Variants in CERS6 observed in about 807,000 individuals in gnomAD.
The protein encoded by CERS6 is LAG1 homolog, ceramide synthase 6.
A neutral mutation model predicts 56.8 loss-of-function variants in CERS6; 26 were observed. The ratio of observed to expected loss-of-function variants is 0.46; its 90% CI spans 0.34 to 0.63. CERS6 has a LOEUF of 0.63. Ranked by LOEUF, CERS6 falls within the 30% of genes least tolerant of loss-of-function variation. The probability of loss-of-function intolerance (pLI) is 0.01; values close to 1 mark genes in which losing one functional copy is unlikely to be tolerated. For missense variants in CERS6, 415 were observed against 467.5 expected (o/e 0.89, Z 1.04); for synonymous variants, 164 against 173.3 (o/e 0.95, Z 0.42).
intron 2 of CERS6, among the ~76,000 whole-genome samples, chr2:168,557,703 T>G (rs926610117): frequency 2.6e-5 from 4 of 152,158 alleles, no homozygotes; most frequent in Non-Finnish European, 5.9e-5. Context: ...TGGGAGAATC[T>G]TTTGAACATT....
chr2:168,620,541 A>G (rs1684444938), intron 3 of CERS6, among the ~76,000 whole-genome samples: 1 of 152,136 alleles, frequency 6.6e-6, no homozygotes, highest in Non-Finnish European at 1.5e-5. Flanking sequence ...TCCCCTAACA[A>G]CCTTAAGAAT....
Position 168,456,638 on chromosome 2 carries a change from C to T in CERS6, c.170+20C>T. ...CGAGAGGTAAGAAGGGCTGAAGCCC[C>T]TCCTCCCCTCCCCCTGCGCACACAC... On this transcript the variant is annotated intron_variant, in intron 1 of 9. Coordinates refer to ENST00000305747, the MANE Select transcript of CERS6 (RefSeq NM_203463.3). This position sits in a 1 kb window ranked among gnomAD's most constrained non-coding sequence, Gnocchi z 4.1. 1 of 1,610,214 alleles carries T rather than the reference C, an allele frequency of 6.2e-7. No homozygotes were observed. Among genetic ancestry groups the T allele is most frequent in the East Asian group, 2.2e-5 (1 of 44,614 alleles).
intron 4 of CERS6, among the ~76,000 whole-genome samples, chr2:168,676,976 C>T (rs184338515): frequency 9.4e-5 from 14 of 149,198 alleles, no homozygotes; most frequent in Admixed American, 2.0e-4. Context: ...CAGTTTTACG[C>T]ACCATTGCTT....
At chr2:168,732,741 T>G (rs537494611) in intron 8 of CERS6, among the ~76,000 whole-genome samples, 1 of 152,238 alleles carries the variant, frequency 6.6e-6, no homozygotes, top group Non-Finnish European at 1.5e-5. Flanking sequence ...TCTCTCTCCC[T>G]TTTTTTAAAA....
intron 1 of CERS6, among the ~76,000 whole-genome samples, chr2:168,466,545 A>G (rs955591325): frequency 2.6e-5 from 4 of 152,252 alleles, no homozygotes; most frequent in African/African-American, 7.2e-5. Flanking sequence ...TATAAAAACA[A>G]TCTGATTAGA....
chr2:168,660,102 G>T (rs1413915689), intron 4 of CERS6, among the ~76,000 whole-genome samples: 2 of 152,096 alleles, frequency 1.3e-5, no homozygotes, highest in Non-Finnish European at 2.9e-5. Flanking sequence ...TTCTCTACAT[G>T]TTTACATGGC....
chr2:168,677,137 T>A (rs1686083936), intron 4 of CERS6, among the ~76,000 whole-genome samples: 1 of 151,784 alleles, frequency 6.6e-6, no homozygotes, highest in African/African-American at 2.4e-5. Flanking sequence ...ATCATCTACA[T>A]TAGGTATTTC....
chr2:168,510,703 T>A (rs1236267115), intron 1 of CERS6, among the ~76,000 whole-genome samples: 2 of 152,132 alleles, frequency 1.3e-5, no homozygotes, highest in Admixed American at 6.5e-5. Context: ...TTTCCTGGAG[T>A]CTGTGAGTTT....
intron 6 of CERS6, among the ~76,000 whole-genome samples, chr2:168,703,161 C>A (rs1320145490): frequency 6.6e-6 from 1 of 152,022 alleles, no homozygotes; most frequent in Non-Finnish European, 1.5e-5. Context: ...TAGATATAGT[C>A]CTCATAAACA....
chr2:168,558,603 C>G (rs1206631654), intron 2 of CERS6, among the ~76,000 whole-genome samples: 1 of 152,224 alleles, frequency 6.6e-6, no homozygotes, highest in African/African-American at 2.4e-5. Context: ...GGCGCGGTGG[C>G]TCACGCCTGT....
At chr2:168,630,963 AT>A (rs763175842) in intron 3 of CERS6, 21 bp from the exon 4 acceptor site, 2,366 of 1,248,432 alleles carry the variant, frequency 1.9e-3, no homozygotes, top group South Asian at 2.9e-3. Flanking sequence ...AATGTCACAG[AT>A]TTTTTTTTAA....
At chr2:168,569,061 G>A (rs1319616426) in intron 3 of CERS6, among the ~76,000 whole-genome samples, 1 of 152,182 alleles carries the variant, frequency 6.6e-6, no homozygotes, top group Non-Finnish European at 1.5e-5. Context: ...AGCTCAGACT[G>A]TCATAACAAA....
At chr2:168,661,183 G>A (rs1367109117) in intron 4 of CERS6, among the ~76,000 whole-genome samples, 1 of 152,098 alleles carries the variant, frequency 6.6e-6, no homozygotes, top group Non-Finnish European at 1.5e-5. Flanking sequence ...GAAGCCAAAC[G>A]AAATCCAAGT....
intron 1 of CERS6, among the ~76,000 whole-genome samples, chr2:168,542,818 T>G (rs1695396634): frequency 6.6e-6 from 1 of 152,158 alleles, no homozygotes; most frequent in Non-Finnish European, 1.5e-5. Flanking sequence ...TGCCTCAGCT[T>G]CCAGAGTAGC....
At chr2:168,526,669 G>A (rs142342043) in intron 1 of CERS6, among the ~76,000 whole-genome samples, 46 of 152,352 alleles carry the variant, frequency 3.0e-4, no homozygotes, top group African/African-American at 1.1e-3. Context: ...ATGACAGCTT[G>A]CCTTTAAAGC....
chr2:168,498,623 A>G (rs886493973), intron 1 of CERS6, among the ~76,000 whole-genome samples: 30 of 152,224 alleles, frequency 2.0e-4, no homozygotes, highest in African/African-American at 6.3e-4. Flanking sequence ...TAACGTAAAT[A>G]TATTACAGTT....
chr2:168,650,790 A>G (rs1381747453), intron 4 of CERS6, among the ~76,000 whole-genome samples: 1 of 152,078 alleles, frequency 6.6e-6, no homozygotes, highest in Non-Finnish European at 1.5e-5. Flanking sequence ...ATTTCTGTGC[A>G]GTTTTGAATA....
At chr2:168,603,453 G>T (rs1308241981) in intron 3 of CERS6, among the ~76,000 whole-genome samples, 1 of 152,222 alleles carries the variant, frequency 6.6e-6, no homozygotes, top group Non-Finnish European at 1.5e-5. Context: ...TCTGGGCATT[G>T]ATTCTGAAAC....
At chr2:168,691,548 G>A (rs529917552) in intron 5 of CERS6, among the ~76,000 whole-genome samples, 2 of 152,258 alleles carry the variant, frequency 1.3e-5, no homozygotes, top group African/African-American at 4.8e-5. Flanking sequence ...CCATTTCCTT[G>A]AGTGCAGAAA....
Sources: allele counts gnomAD v4.1 joint callset (sites outside exome capture counted in the v4.1 genomes callset), GRCh38; gene constraint gnomAD v4.1.1; non-coding constraint Gnocchi (gnomAD v3.1); transcripts MANE v1.5; gene names NCBI Gene and HGNC (gene_info 2026-07-23, HGNC 2026-07-21).